Variants in TNRC18 observed in about 807,000 individuals in gnomAD.
TNRC18 encodes trinucleotide repeat-containing gene 18 protein.
A neutral mutation model predicts 226.7 loss-of-function variants in TNRC18; 69 were observed. The observed-to-expected ratio is 0.30, with a 90% confidence interval of 0.25 to 0.37. The LOEUF is 0.37. TNRC18 is among the 10% of genes least tolerant of loss of function. The pLI is 1.00. For missense variants in TNRC18, 4,754 were observed against 4,256.6 expected (o/e 1.12, Z -3.25); for synonymous variants, 2,449 against 1,927.6 (o/e 1.27, Z -7.09).
At chr7:5,352,673 C>T (rs1791949056) in intron 16 of TNRC18, among the ~76,000 whole-genome samples, 1 of 152,264 alleles carries the variant, frequency 6.6e-6, no homozygotes, top group Non-Finnish European at 1.5e-5. Flanking sequence ...AGCCAGTGAG[C>T]CGGCCCACCA....
rs141098912 is a variant in TNRC18 at position 5,371,809 on chromosome 7, G to A, written c.3230-445C>T. On this transcript the variant is annotated intron_variant, in intron 10 of 29. Coordinates refer to ENST00000430969, the MANE Select transcript of TNRC18 (RefSeq NM_001080495.3). ...AGCAGAGCCAGGCGTGGTGGGCCAC[G>A]CCTGTAATCCCAGCACTTTAGGAGG... is the stretch of plus-strand genomic sequence containing the variant. Among the ~76,000 whole-genome samples, 515 of 151,654 alleles carry A rather than the reference G, an allele frequency of 3.4e-3. 6 individuals are homozygous for A. Among genetic ancestry groups the A allele is most frequent in the Middle Eastern group, 0.014 (4 of 294 alleles).
At chr7:5,351,038 A>G (rs1282029357) in intron 17 of TNRC18, among the ~76,000 whole-genome samples, 1 of 152,140 alleles carries the variant, frequency 6.6e-6, no homozygotes, top group Non-Finnish European at 1.5e-5. Flanking sequence ...AAAAGACAAA[A>G]CAAGCAACTA....
rs1471620819 is a variant in TNRC18 at position 5,313,065 on chromosome 7, G to A, written c.7826C>T (p.Ala2609Val). ...GGAGGAGGAGGAGGCCGGTGAGGCC[G>A]CCCTGGAGCTGGCAGCGCTGCAGTT... ...GRNCSAASSR[A>V]ASPASSSSSS... Residue 2609 changes from alanine (A) to valine (V), a missense_variant, in exon 27 of 30, where the codon GCG becomes GTG. By Grantham distance (64) the Ala-to-Val change is moderately conservative. Coordinates refer to ENST00000430969, the MANE Select transcript of TNRC18 (RefSeq NM_001080495.3). 1.8e-5 allele frequency: 21 copies of A among 1,137,800 alleles called. No individual in the cohort carries two copies. Among genetic ancestry groups the A allele is most frequent in the Middle Eastern group, 2.7e-4 (1 of 3,698 alleles). 70.5% of individuals were successfully genotyped at this position (1,137,800 alleles called of 1,614,324 possible). A position where few individuals can be genotyped will look rare whatever the true frequency, so the allele number is the denominator to read the frequency against.
rs1288932663 is a variant in TNRC18 at position 5,325,186 on chromosome 7, C to T, written c.6210G>A (p.Leu2070=). ...CGTGAGGAGCCCTGGCCTCAGAGGG[C>T]AAGGCAGGAGCTCGGGGCGGCGGCA... The part of the protein sequence containing the change: ...AGLPPPRAPA[L]PSEARAPHAS... The change falls in exon 20 of 30, where the codon TTG becomes TTA. Residue 2070 remains leucine, a synonymous_variant. Coordinates refer to ENST00000430969, the MANE Select transcript of TNRC18 (RefSeq NM_001080495.3). 6.4e-7 allele frequency: 1 copy of T among 1,554,172 alleles called. No individual in the cohort carries two copies. Among genetic ancestry groups the T allele is most frequent in the Non-Finnish European group, 8.7e-7 (1 of 1,149,430 alleles).
chr7:5,375,924 G>T, intron 9 of TNRC18, 110 bp downstream of exon 9: 2 of 1,119,050 alleles, frequency 1.8e-6, no homozygotes, highest in Non-Finnish European at 2.5e-6. Flanking sequence ...CTGCCCCTCT[G>T]CTGTTTTCTC....
rs760325056 is a variant in TNRC18, at chr7:5,345,610, C to G, written c.5671G>C (p.Glu1891Gln). 1 of 1,505,838 alleles carries G rather than the reference C, an allele frequency of 6.6e-7. No individual in the cohort carries two copies. The highest frequency in any genetic ancestry group is 8.9e-7 in the Non-Finnish European group (1 of 1,118,680). 93.3% of individuals were successfully genotyped at this position (1,505,838 alleles called of 1,614,324 possible). A position where few individuals can be genotyped will look rare whatever the true frequency, so the allele number is the denominator to read the frequency against. The part of the protein sequence containing the change: ...VGPSLSVVQL[E>Q]AKQKARKKEE... ...TTCTTCCGGGCCTTCTGCTTGGCCT[C>G]CAGCTGTACCACAGACAGGGATGGA... The change falls in exon 18 of 30, where the codon GAG becomes CAG. Residue 1891 changes from glutamate (E) to glutamine (Q), a missense_variant. Physicochemically the swap from Glu to Gln is conservative, Grantham distance 29 (BLOSUM62 2). Transcript: ENST00000430969.
chr7:5,385,091 T>A lies in TNRC18; in HGVS notation c.2152+2581A>T, dbSNP rs564105114. On this transcript the variant is annotated intron_variant, in intron 5 of 29. Transcript: ENST00000430969. ...CACCGGGAGGTGAAGGCACAGAGGA[T>A]GGGGAGACATGGCTGTGCAGGAAGT... Among the ~76,000 whole-genome samples the A allele has an allele frequency of 1.9e-3, 295 of 152,178 alleles. 1 individual carries two copies. Among genetic ancestry groups the A allele is most frequent in the African/African-American group, 7.0e-3 (290 of 41,522 alleles).
rs58752853 is a variant in TNRC18 at position 5,364,462 on chromosome 7, AACACACACACACACACACACAC to A, written c.4220-1659_4220-1638del. ...AACAGAGCGAGCCTGTCTCAAAGAA[AACACACACACACACACACACAC>A]ACACACACACACACACACACACACA... On this transcript the variant is annotated intron_variant, in intron 11 of 29. Coordinates refer to ENST00000430969, the MANE Select transcript of TNRC18 (RefSeq NM_001080495.3). Among the ~76,000 whole-genome samples, 992 of 116,702 alleles carry A rather than the reference AACACACACACACACACACACAC, an allele frequency of 8.5e-3. 16 individuals carry two copies. Among genetic ancestry groups the A allele is most frequent in the African/African-American group, 0.03 (931 of 31,028 alleles). The allele number at this position is 116,702 out of a possible 152,430, so 76.6% of individuals were successfully genotyped here.
chr7:5,351,867 C>G lies in TNRC18; in HGVS notation c.5422G>C (p.Glu1808Gln). 6.2e-7 allele frequency: 1 copy of G among 1,612,242 alleles called. No homozygotes were observed. The highest frequency in any genetic ancestry group is 1.1e-5 in the South Asian group (1 of 90,904). The change falls in exon 17 of 30, where the codon GAG becomes CAG. Residue 1808 changes from glutamate to glutamine, a missense_variant. Physicochemically the swap from Glu to Gln is conservative, Grantham distance 29. Transcript: ENST00000430969. ...GAGTCGCTGAAGGAGGAACGCGCCT[C>G]GGCCTCTCGAAGCAGCAGACAAAAC... The part of the protein sequence containing the change: ...QPFCLLLREA[E>Q]ARSSFSDSSE...
intron 24 of TNRC18, among the ~76,000 whole-genome samples, chr7:5,317,634 A>G (rs1242339117): frequency 6.6e-6 from 1 of 152,102 alleles, no homozygotes; most frequent in South Asian, 2.1e-4. Context: ...ATCCTCTGAG[A>G]AAGTTTAAAA....
chr7:5,323,563 A>G (rs1200294080), intron 21 of TNRC18, among the ~76,000 whole-genome samples: 1 of 41,290 alleles, frequency 2.4e-5, no homozygotes, highest in Non-Finnish European at 4.8e-5. Context: ...GTGCAGCACC[A>G]GACAGTTTTT....
chr7:5,421,602 G>A (rs1782591623), intron 1 of TNRC18, 113 bp from the exon 2 acceptor site: 1 of 152,270 alleles, frequency 6.6e-6, no homozygotes, highest in South Asian at 2.1e-4. Context: ...GGATCGGGGG[G>A]TGCCGACTGA....
chr7:5,418,291 T>TA, intron 2 of TNRC18, among the ~76,000 whole-genome samples: 1 of 152,220 alleles, frequency 6.6e-6, no homozygotes, highest in South Asian at 2.1e-4. Flanking sequence ...ATAGGAAACT[T>TA]AAAAACCACC....
rs528462376 is a variant in TNRC18 at position 5,349,496 on chromosome 7, T to C, written c.5470+2323A>G. ...AGGACATGGGGTTGGCGGTGACAGG[T>C]TGGTGGTAAATGTCAGAGCGATCTG... is the stretch of plus-strand genomic sequence containing the variant. On this transcript the variant is annotated intron_variant, in intron 17 of 29. Coordinates refer to ENST00000430969, the MANE Select transcript of TNRC18 (RefSeq NM_001080495.3). Among the ~76,000 whole-genome samples the C allele has an allele frequency of 1.8e-3, 279 of 152,048 alleles. 3 individuals carry two copies. The highest frequency in any genetic ancestry group is 6.2e-3 in the African/African-American group (258 of 41,490).
intron 18 of TNRC18, among the ~76,000 whole-genome samples, chr7:5,335,832 C>T (rs1274331983): frequency 9.6e-6 from 1 of 104,440 alleles, no homozygotes; most frequent in Non-Finnish European, 1.8e-5. Flanking sequence ...ATCATATTCA[C>T]TGGAAAAAAA....
chr7:5,393,875 G>C (rs1371639109), intron 3 of TNRC18, among the ~76,000 whole-genome samples: 1 of 152,098 alleles, frequency 6.6e-6, no homozygotes, highest in East Asian at 1.9e-4. Flanking sequence ...CCCCCGCTCT[G>C]GGAAATTTTT....
Position 5,351,854 on chromosome 7 carries a change from G to A in TNRC18, c.5435C>T (p.Ser1812Phe). ...LLLREAEARS[S>F]FSDSSEESFD... ...CGATTCCTCCGAAGAGTCGCTGAAG[G>A]AGGAACGCGCCTCGGCCTCTCGAAG... The change falls in exon 17 of 30, where the codon TCC (serine) becomes TTC (phenylalanine). Residue 1812 changes from serine (S) to phenylalanine (F), a missense_variant. Ser to Phe is a radical substitution (Grantham distance 155, BLOSUM62 -2). Coordinates refer to ENST00000430969, the MANE Select transcript of TNRC18 (RefSeq NM_001080495.3). 2 of 1,606,852 alleles carry A rather than the reference G, an allele frequency of 1.2e-6. No homozygotes were observed. Among genetic ancestry groups the A allele is most frequent in the Non-Finnish European group, 1.7e-6 (2 of 1,177,068 alleles).
In TNRC18 at chr7:5,387,740, C is replaced by G. The variant is rs1411603127; in HGVS notation, c.2084G>C (p.Gly695Ala). ...AVAVARQKDS[G>A]GSGRLGPGLV... is the part of the protein sequence containing the mutation. ...CCCAGGCCCCAGCCGGCCACTGCCG[C>G]CACTGTCCTTCTGCCGGGCCACAGC... The change falls in exon 5 of 30, where the codon GGC becomes GCC. Residue 695 changes from glycine (G) to alanine (A), a missense_variant. By Grantham distance (60) the Gly-to-Ala change is moderately conservative. Transcript: ENST00000430969. 19 of 1,607,200 alleles carry G rather than the reference C, an allele frequency of 1.2e-5. No individual in the cohort carries two copies. Among genetic ancestry groups the G allele is most frequent in the Non-Finnish European group, 1.6e-5 (19 of 1,179,822 alleles).
In TNRC18 at chr7:5,368,491, C is replaced by T. The variant is rs1244369652; in HGVS notation, c.4219+1884G>A. On this transcript the variant is annotated intron_variant, in intron 11 of 29. Transcript: ENST00000430969. ...CAGCCTGGCCAACATGGTGAAACCC[C>T]ATCTCCACTAAAAATACAAAAAGAT... Among the ~76,000 whole-genome samples, 8 of 151,760 alleles carry T rather than the reference C, an allele frequency of 5.3e-5. No homozygotes were observed. In the South Asian group the frequency reaches 1.0e-3, roughly 20 times the overall value.
Sources: allele counts gnomAD v4.1 joint callset (sites outside exome capture counted in the v4.1 genomes callset), GRCh38; gene constraint gnomAD v4.1.1; transcripts MANE v1.5; gene names NCBI Gene and HGNC (gene_info 2026-07-23, HGNC 2026-07-21).